The following LAMC2 variants were observed in gnomAD, a reference collection of about 807,000 sequenced individuals.
LAMC2 encodes the protein laminin subunit gamma 2.
Under a neutral mutation model 140.2 loss-of-function variants are expected in LAMC2, and 97 were observed. The observed-to-expected ratio is 0.69, with a 90% CI of 0.59 to 0.82. LAMC2 has a LOEUF of 0.82. Ranked by LOEUF, LAMC2 falls within the 40% of genes least tolerant of loss-of-function variation. The probability of loss-of-function intolerance (pLI) is 0.00; values close to 1 mark genes in which losing one functional copy is unlikely to be tolerated. For missense variants in LAMC2, 1,402 were observed against 1,476.1 expected, an observed-to-expected ratio of 0.95 and a Z score of 0.82; for synonymous variants, 513 against 540.2, an observed-to-expected ratio of 0.95 and a Z score of 0.70.
chr1:183,225,981 A>G (rs1432133138), intron 8 of LAMC2, among the ~76,000 whole-genome samples: 1 of 152,220 alleles, frequency 6.6e-6, no homozygotes, highest in Non-Finnish European at 1.5e-5. Context: ...TTTATTAAAG[A>G]TGATTAAGTG....
chr1:183,188,811 G>A (rs1658233982), intron 1 of LAMC2, among the ~76,000 whole-genome samples: 1 of 152,220 alleles, frequency 6.6e-6, no homozygotes, highest in South Asian at 2.1e-4. Flanking sequence ...TTAGTTCATA[G>A]CAGGAGGTAT....
downstream of LAMC2, among the ~76,000 whole-genome samples, chr1:183,247,377 C>G (rs1008229790): frequency 6.6e-6 from 1 of 151,834 alleles, no homozygotes; most frequent in Non-Finnish European, 1.5e-5. Flanking sequence ...TATGTACTCT[C>G]AGGACAAGGA....
chr1:183,238,279 T>TA (rs1463162672), intron 18 of LAMC2, 28 bp from the exon 19 acceptor site: 1 of 1,540,102 alleles, frequency 6.5e-7, no homozygotes, highest in Admixed American at 1.7e-5. Flanking sequence ...GTACTTCCTC[T>TA]AATCTTGTTC....
the LAMC2 span, among the ~76,000 whole-genome samples, chr1:183,256,214 T>C: frequency 6.6e-6 from 1 of 152,002 alleles, no homozygotes; most frequent in Admixed American, 6.6e-5. Flanking sequence ...GAGCCCAGTC[T>C]GGCCAACATA....
chr1:183,199,122 T>C (rs1232852670), intron 1 of LAMC2, among the ~76,000 whole-genome samples: 1 of 145,218 alleles, frequency 6.9e-6, no homozygotes, highest in African/African-American at 2.6e-5. Context: ...TTTTTTTTTT[T>C]GAGACAGAGT....
intron 1 of LAMC2, among the ~76,000 whole-genome samples, chr1:183,189,231 A>G (rs1190429831): frequency 6.6e-6 from 1 of 152,220 alleles, no homozygotes; most frequent in Admixed American, 6.5e-5. Flanking sequence ...AGAGTCCAAG[A>G]TGGATCCAAG....
At chr1:183,204,347 G>C (rs542465683) in intron 1 of LAMC2, among the ~76,000 whole-genome samples, 1 of 151,920 alleles carries the variant, frequency 6.6e-6, no homozygotes, top group Admixed American at 6.6e-5. Context: ...GTAATTCCCA[G>C]CACTTTGAGA....
chr1:183,235,469 T>C (rs994863031), intron 15 of LAMC2, 106 bp from the exon 16 acceptor site: 2 of 1,264,928 alleles, frequency 1.6e-6, no homozygotes, highest in Non-Finnish European at 2.3e-6. Flanking sequence ...GTAGGGTTTT[T>C]CTAAATCAGA....
intron 13 of LAMC2, 97 bp downstream of exon 13, chr1:183,232,440 A>G: frequency 7.2e-7 from 1 of 1,392,992 alleles, no homozygotes; most frequent in Non-Finnish European, 1.0e-6. Flanking sequence ...ATATCAGTTC[A>G]GCAGTTATCT....
At chr1:183,236,897 T>G (rs1333106169) in intron 17 of LAMC2, among the ~76,000 whole-genome samples, 1 of 152,232 alleles carries the variant, frequency 6.6e-6, no homozygotes, top group Non-Finnish European at 1.5e-5. Context: ...TATAAAGTTT[T>G]TTTGTTTACG....
At chr1:183,245,137 C>T (rs995999319), downstream of LAMC2, among the ~76,000 whole-genome samples, 1 of 152,146 alleles carries the variant, frequency 6.6e-6, no homozygotes, top group African/African-American at 2.4e-5. Context: ...TCTAGAAAAA[C>T]TCTAGCTGGG....
In LAMC2 at chr1:183,243,459, G is replaced by A; in HGVS notation, c.*59G>A. 1 of 1,608,872 alleles carries A rather than the reference G, an allele frequency of 6.2e-7. No individual in the cohort carries two copies. Among genetic ancestry groups the A allele is most frequent in the Non-Finnish European group, 8.5e-7 (1 of 1,175,484 alleles). The stretch of plus-strand genomic sequence containing the variant: ...GGGATACAGATCTCAGGGCTCGGGA[G>A]CCATGTCATGTGAGTGGGTGGGATG... On this transcript the variant is annotated 3_prime_UTR_variant, in exon 23 of 23. Transcript: ENST00000264144.
chr1:183,231,136 C>T, intron 12 of LAMC2, 33 bp downstream of exon 12: 1 of 1,613,684 alleles, frequency 6.2e-7, no homozygotes, highest in Non-Finnish European at 8.5e-7. Flanking sequence ...CCCCCAACCC[C>T]ACAGAATCAA....
At chr1:183,199,379 G>C (rs939555376) in intron 1 of LAMC2, among the ~76,000 whole-genome samples, 19 of 152,174 alleles carry the variant, frequency 1.2e-4, no homozygotes, top group African/African-American at 4.1e-4. Flanking sequence ...TGGGATTACA[G>C]ACTTTTCTTA....
chr1:183,235,653 G>C lies in LAMC2; in HGVS notation c.2379G>C (p.Val793=), dbSNP rs779111533. The C allele has an allele frequency of 6.2e-7, 1 of 1,614,234 alleles. No individual in the cohort carries two copies. Residue 793 remains valine (V), a synonymous_variant, in exon 16 of 23, where the codon GTG becomes GTC. Transcript: ENST00000264144. ...EDYSKQALSL[V]RKALHEGVGS... is the part of the protein sequence containing the mutation. Reference sequence around the variant, plus strand: ...ATTCCAAACAAGCCCTCTCACTGGTGCGCAAGGCCCTGCATGAAGGAGTCG... The same window carrying C: ...ATTCCAAACAAGCCCTCTCACTGGTCCGCAAGGCCCTGCATGAAGGAGTCG...
At chr1:183,233,722 ATATTTT>A (rs1226687904) in intron 14 of LAMC2, among the ~76,000 whole-genome samples, 2 of 151,950 alleles carry the variant, frequency 1.3e-5, no homozygotes, top group Non-Finnish European at 2.9e-5. Context: ...GTACATGTAT[ATATTTT>A]TATTTTTATT....
chr1:183,223,266 C>A lies in LAMC2; in HGVS notation c.895C>A (p.Pro299Thr), dbSNP rs777465505. The change falls in exon 7 of 23, where the codon CCC becomes ACC. Residue 299 changes from proline to threonine, a missense_variant. By Grantham distance (38) the Pro-to-Thr change is conservative (BLOSUM62 -1). Transcript: ENST00000264144. ...LEGAGLRITA[P>T]LMPLGKTLPC... Reference sequence around the variant, plus strand: ...AGGTGCTGGTCTACGGATCACAGCTCCCTTGATGCCACTTGGCAAGACACT... The same window carrying A: ...AGGTGCTGGTCTACGGATCACAGCTACCTTGATGCCACTTGGCAAGACACT... 38 of 1,614,102 alleles carry A rather than the reference C, an allele frequency of 2.4e-5. No homozygotes were observed. The highest frequency in any genetic ancestry group is 3.2e-5 in the Non-Finnish European group (38 of 1,180,052).
intron 6 of LAMC2, 87 bp downstream of exon 6, chr1:183,222,298 C>A: frequency 6.8e-7 from 1 of 1,468,698 alleles, no homozygotes; most frequent in Non-Finnish European, 9.5e-7. Flanking sequence ...ATTGTGGAAA[C>A]CATATAACTT....
intron 22 of LAMC2, chr1:183,240,689 C>T: frequency 7.6e-7 from 1 of 1,308,608 alleles, no homozygotes; most frequent in Non-Finnish European, 9.8e-7. Flanking sequence ...GCTTGGGAAT[C>T]CTGCTAAAGA....
Sources: gnomAD v4.1 joint callset for allele counts (sites outside exome capture counted in the v4.1 genomes callset) on GRCh38, gnomAD v4.1.1 for gene constraint, MANE v1.5 for transcripts, NCBI Gene and HGNC (gene_info 2026-07-23, HGNC 2026-07-21) for gene names.